Variants in TUNAR observed in about 807,000 individuals in gnomAD.
TUNAR encodes the protein transmembrane neural differentiation associated intracellular calcium regulator.
At chr14:95,884,875 CTTTT>C (rs561561161) in intron 2 of TUNAR, among the ~76,000 whole-genome samples, 1 of 147,620 alleles carries the variant, frequency 6.8e-6, no homozygotes, top group East Asian at 2.0e-4. Flanking sequence ...TTTCTCTGGC[CTTTT>C]TTTTTTTCCC....
intron 2 of TUNAR, among the ~76,000 whole-genome samples, chr14:95,889,627 T>A (rs183002286): frequency 6.6e-6 from 1 of 152,306 alleles, no homozygotes; most frequent in East Asian, 1.9e-4. Context: ...CTTTCCTGTC[T>A]CCTGGTCCTT....
intron 2 of TUNAR, among the ~76,000 whole-genome samples, chr14:95,878,842 G>A (rs74085708): frequency 0.037 from 5,646 of 152,310 alleles, 246 homozygotes; most frequent in African/African-American, 0.1. Flanking sequence ...CCTAAGAACT[G>A]ATGACATACA....
intron 2 of TUNAR, among the ~76,000 whole-genome samples, 200 bp downstream of exon 1, chr14:95,877,377 T>C (rs1888906506): frequency 6.6e-6 from 1 of 152,236 alleles, no homozygotes; most frequent in South Asian, 2.1e-4. Context: ...TTCTTCTGCC[T>C]TCTGGAGAAA....
intron 2 of TUNAR, among the ~76,000 whole-genome samples, chr14:95,910,634 G>A (rs1375706356): frequency 6.6e-6 from 1 of 152,220 alleles, no homozygotes; most frequent in Non-Finnish European, 1.5e-5. Flanking sequence ...CTCTTCACTG[G>A]TTCTTTGGAA....
intron 2 of TUNAR, among the ~76,000 whole-genome samples, chr14:95,908,221 T>G: frequency 6.6e-6 from 1 of 152,276 alleles, no homozygotes; most frequent in Admixed American, 6.5e-5. Flanking sequence ...AGAAGTCAGA[T>G]AGTGGGAAGA....
chr14:95,908,047 C>T (rs1285620441), intron 2 of TUNAR, among the ~76,000 whole-genome samples: 1 of 152,224 alleles, frequency 6.6e-6, no homozygotes, highest in Admixed American at 6.5e-5. Context: ...GCAGGACTGG[C>T]AGTCTGGCCC....
chr14:95,920,143 G>T (rs942362905), intron 2 of TUNAR, among the ~76,000 whole-genome samples: 1 of 152,054 alleles, frequency 6.6e-6, no homozygotes, highest in African/African-American at 2.4e-5. Flanking sequence ...AGTGTTGTGA[G>T]TAAGAAATCA....
intron 2 of TUNAR, among the ~76,000 whole-genome samples, chr14:95,900,444 A>G (rs1039536054): frequency 1.3e-5 from 2 of 152,220 alleles, no homozygotes; most frequent in Non-Finnish European, 2.9e-5. Flanking sequence ...AAAGCAAGGC[A>G]TGGCTTGAGC....
chr14:95,921,325 C>T (rs1417965543), intron 2 of TUNAR, among the ~76,000 whole-genome samples: 1 of 152,192 alleles, frequency 6.6e-6, no homozygotes, highest in African/African-American at 2.4e-5. Flanking sequence ...CCTCCTGGCT[C>T]TAAAGGCACA....
intron 2 of TUNAR, among the ~76,000 whole-genome samples, chr14:95,921,516 C>T (rs549875828): frequency 3.3e-5 from 5 of 152,230 alleles, no homozygotes; most frequent in Admixed American, 6.5e-5. Context: ...TTTCTGTCTT[C>T]GAAAATAAAA....
intron 2 of TUNAR, among the ~76,000 whole-genome samples, chr14:95,896,658 G>A (rs914999493): frequency 1.3e-5 from 2 of 152,236 alleles, no homozygotes; most frequent in Non-Finnish European, 2.9e-5. Flanking sequence ...ATGGAATCAG[G>A]AGAGTAGTAG....
intron 2 of TUNAR, among the ~76,000 whole-genome samples, chr14:95,886,415 G>A (rs547521480): frequency 1.4e-3 from 207 of 152,338 alleles, no homozygotes; most frequent in African/African-American, 4.7e-3. Context: ...TACTACCCTT[G>A]AACTTCACCT....
rs146860167 is a variant in TUNAR, at chr14:95,890,772, C to T, written c.12+13595C>T. Among the ~76,000 whole-genome samples the T allele has an allele frequency of 3.9e-5, 6 of 152,250 alleles. No individual in the cohort carries two copies. The East Asian group carries it at 1.2e-3, about 29-fold the overall frequency. ...TAAATAATTTAGAAAACAGGAAGAC[C>T]TTAATATTAGAATCGTGAAAGTATT... On this transcript the variant is annotated intron_variant, in intron 2 of 2. Transcript: ENST00000678517.
intron 2 of TUNAR, among the ~76,000 whole-genome samples, chr14:95,881,330 G>C (rs995452715): frequency 6.6e-6 from 1 of 152,216 alleles, no homozygotes; most frequent in African/African-American, 2.4e-5. Context: ...TTTGGGAAAA[G>C]CTAAAAGAAT....
intron 2 of TUNAR, among the ~76,000 whole-genome samples, chr14:95,914,453 G>A (rs1889569743): frequency 1.3e-5 from 2 of 152,216 alleles, no homozygotes; most frequent in South Asian, 4.1e-4. Context: ...ATCCATGGAT[G>A]TGCCACATCC....
rs897688686 is a variant in TUNAR, at chr14:95,915,710, A to G, written c.13-7071A>G. On this transcript the variant is annotated intron_variant, in intron 2 of 2. Transcript: ENST00000678517. ...GCTCTGCAGCCTCTAGGCCCAGGCCACACACGGCGCTGTGTCACTGTATAC... is the reference window on the plus strand; with the variant it reads ...GCTCTGCAGCCTCTAGGCCCAGGCCGCACACGGCGCTGTGTCACTGTATAC... 4.6e-5 allele frequency among the ~76,000 whole-genome samples: 7 copies of G among 152,254 alleles called. 1 individual carries two copies. The East Asian group carries it at 1.3e-3, about 29-fold the overall frequency.
At chr14:95,916,102 C>CT (rs1187560382) in intron 2 of TUNAR, among the ~76,000 whole-genome samples, 1 of 152,026 alleles carries the variant, frequency 6.6e-6, no homozygotes, top group Non-Finnish European at 1.5e-5. Context: ...CACCAATTAA[C>CT]TTATTAAGTA....
At position 95,897,127 on chromosome 14, in the gene TUNAR, T is replaced by C. The variant is rs575203702; in HGVS notation, c.12+19950T>C. On this transcript the variant is annotated intron_variant, in intron 2 of 2. Coordinates refer to ENST00000678517, the Ensembl canonical transcript of TUNAR. Reference sequence around the variant, plus strand: ...TGATACATCCTGAATGCTTGCTTTGTGCCAGGCACTGTTCTGGGGATGTTT... The same window carrying C: ...TGATACATCCTGAATGCTTGCTTTGCGCCAGGCACTGTTCTGGGGATGTTT... Among the ~76,000 whole-genome samples the C allele has an allele frequency of 4.6e-5, 7 of 152,362 alleles. No individual in the cohort carries two copies. In the South Asian group the frequency reaches 1.2e-3, roughly 27 times the overall value.
At chr14:95,880,188 C>CT (rs1053333220) in intron 2 of TUNAR, among the ~76,000 whole-genome samples, 2 of 152,158 alleles carry the variant, frequency 1.3e-5, no homozygotes, top group African/African-American at 2.4e-5. Context: ...CCTCCAAACT[C>CT]TAAGTTTGAA....
Sources: allele counts gnomAD v4.1 joint callset (sites outside exome capture counted in the v4.1 genomes callset), GRCh38; gene constraint gnomAD v4.1.1; transcripts MANE v1.5; gene names NCBI Gene and HGNC (gene_info 2026-07-23, HGNC 2026-07-21).